The following NUS1 variants were observed in gnomAD, a reference collection of about 807,000 sequenced individuals.
NUS1 encodes NUS1 dehydrodolichyl diphosphate synthase subunit, also known as dehydrodolichyl diphosphate synthase complex subunit NUS1.
For missense variants in NUS1, 292 were observed against 382.9 expected (o/e 0.76, Z 1.98); for synonymous variants, 135 against 155.2 (o/e 0.87, Z 0.97).
In NUS1 at chr6:117,675,557, G is replaced by C; in HGVS notation, c.-114G>C. ...TGGCAGTGGAAAGGGGTTCGGGCTC[G>C]GGGGGCGGGGGGACGCGGAGCGATG... is the stretch of plus-strand genomic sequence containing the variant. On this transcript the variant is annotated 5_prime_UTR_variant, in exon 1 of 5. Coordinates refer to ENST00000368494, the MANE Select transcript of NUS1 (RefSeq NM_138459.5). The C allele has an allele frequency of 1.8e-6, 2 of 1,129,608 alleles. No individual in the cohort carries two copies. Among genetic ancestry groups the C allele is most frequent in the South Asian group, 1.5e-5 (1 of 67,810 alleles). 70.0% of individuals were successfully genotyped at this position (1,129,608 alleles called of 1,614,324 possible).
chr6:117,684,137 C>G (rs1773102725), intron 1 of NUS1, among the ~76,000 whole-genome samples: 1 of 152,198 alleles, frequency 6.6e-6, no homozygotes, highest in Non-Finnish European at 1.5e-5. Context: ...TGCAACTACT[C>G]AACTCTGCTA....
intron 1 of NUS1, among the ~76,000 whole-genome samples, chr6:117,677,057 T>C (rs549097155): frequency 1.2e-4 from 19 of 152,344 alleles, no homozygotes; most frequent in African/African-American, 4.1e-4. Flanking sequence ...AATTGTCCTC[T>C]CATATGTTTT....
chr6:117,690,487 T>C (rs575303811), intron 1 of NUS1, among the ~76,000 whole-genome samples: 1 of 152,334 alleles, frequency 6.6e-6, no homozygotes, highest in Non-Finnish European at 1.5e-5. Flanking sequence ...TTGTTTGCTC[T>C]GTGCCAGGCA....
intron 1 of NUS1, among the ~76,000 whole-genome samples, chr6:117,681,921 C>T (rs956417305): frequency 1.3e-5 from 2 of 152,186 alleles, no homozygotes; most frequent in Non-Finnish European, 2.9e-5. Flanking sequence ...CGACCTCTGC[C>T]TCCGGGGTTC....
chr6:117,704,556 A>C (rs1562183333), intron 4 of NUS1, among the ~76,000 whole-genome samples: 1 of 152,196 alleles, frequency 6.6e-6, no homozygotes, highest in Admixed American at 6.5e-5. Flanking sequence ...GTTTACAAAA[A>C]CAAGTATCAG....
In NUS1 at chr6:117,708,002, A is replaced by G. The variant is rs1283878992; in HGVS notation, c.*987A>G. ...TCAACCATTTTTATTTAAAATAAAC[A>G]TTTGAGGGAAGTTACCAAGGCAGCT... is the stretch of plus-strand genomic sequence containing the variant. On this transcript the variant is annotated 3_prime_UTR_variant, in exon 5 of 5. Transcript: ENST00000368494. 2.0e-5 allele frequency: 3 copies of G among 152,068 alleles called. No homozygotes were observed. The highest frequency in any genetic ancestry group is 7.2e-5 in the African/African-American group (3 of 41,448). The allele number at this position is 152,068 out of a possible 1,614,324, so 9.4% of individuals were successfully genotyped here.
chr6:117,705,685 T>C (rs1354570863), intron 4 of NUS1, among the ~76,000 whole-genome samples: 1 of 152,000 alleles, frequency 6.6e-6, no homozygotes, highest in East Asian at 1.9e-4. Flanking sequence ...TTCTGAGGCA[T>C]TGAGGAGTAG....
chr6:117,701,345 C>T (rs931590234), intron 3 of NUS1, among the ~76,000 whole-genome samples: 8 of 150,154 alleles, frequency 5.3e-5, no homozygotes, highest in East Asian at 2.0e-4. Flanking sequence ...CCCGGGTTTA[C>T]GCCATTCTCC....
chr6:117,676,600 AAAAT>A (rs747992193), intron 1 of NUS1, among the ~76,000 whole-genome samples: 128 of 152,342 alleles, frequency 8.4e-4, no homozygotes, highest in Non-Finnish European at 1.4e-3. Flanking sequence ...TAAATAAATA[AAAAT>A]AAATAAAAAA....
In NUS1 at chr6:117,708,636, G is replaced by A. The variant is rs1247342643; in HGVS notation, c.*1621G>A. 1 of 146,954 alleles carries A rather than the reference G, an allele frequency of 6.8e-6. No individual in the cohort carries two copies. Among genetic ancestry groups the A allele is most frequent in the African/African-American group, 2.5e-5 (1 of 39,662 alleles). The allele number at this position is 146,954 out of a possible 1,614,324, so 9.1% of individuals were successfully genotyped here. Reference sequence around the variant, plus strand: ...TGCACTGCATAATCCATTATACGTTGTACGACTTTTTTTTTTTGTTTTAAT... The same window carrying A: ...TGCACTGCATAATCCATTATACGTTATACGACTTTTTTTTTTTGTTTTAAT... On this transcript the variant is annotated 3_prime_UTR_variant, in exon 5 of 5. Coordinates refer to ENST00000368494, the MANE Select transcript of NUS1 (RefSeq NM_138459.5).
At chr6:117,680,700 A>G (rs1773048514) in intron 1 of NUS1, among the ~76,000 whole-genome samples, 1 of 149,778 alleles carries the variant, frequency 6.7e-6, no homozygotes, top group Non-Finnish European at 1.5e-5. Flanking sequence ...CTTGCCTTAC[A>G]TTAGATTATT....
intron 3 of NUS1, among the ~76,000 whole-genome samples, chr6:117,701,711 T>C (rs1422841299): frequency 6.6e-6 from 1 of 152,202 alleles, no homozygotes; most frequent in African/African-American, 2.4e-5. Context: ...TTTCTTAATA[T>C]TGATTTTATA....
At chr6:117,690,331 A>G (rs1279772585) in intron 1 of NUS1, among the ~76,000 whole-genome samples, 1 of 152,104 alleles carries the variant, frequency 6.6e-6, no homozygotes, top group African/African-American at 2.4e-5. Context: ...ACTTTTCTCT[A>G]TATATACCTA....
At chr6:117,684,748 G>A (rs1227355493) in intron 1 of NUS1, among the ~76,000 whole-genome samples, 1 of 152,102 alleles carries the variant, frequency 6.6e-6, no homozygotes, top group Non-Finnish European at 1.5e-5. Flanking sequence ...ATGCAATAGA[G>A]TGATTCCTAT....
intron 4 of NUS1, among the ~76,000 whole-genome samples, chr6:117,705,319 G>A (rs1370636958): frequency 2.0e-5 from 3 of 152,184 alleles, no homozygotes; most frequent in African/African-American, 7.2e-5. Flanking sequence ...GCTGTGTACA[G>A]TTGGGAGTGG....
intron 3 of NUS1, among the ~76,000 whole-genome samples, chr6:117,699,788 A>C (rs1356520269): frequency 6.6e-6 from 1 of 152,166 alleles, no homozygotes; most frequent in Non-Finnish European, 1.5e-5. Flanking sequence ...CCAAAACAGC[A>C]TGGTACTGGC....
chr6:117,694,268 A>T, intron 3 of NUS1, 88 bp downstream of exon 3: 1 of 726,424 alleles, frequency 1.4e-6, no homozygotes, highest in East Asian at 3.4e-5. Flanking sequence ...TATGAAAGAA[A>T]ATATTTTTGT....
chr6:117,684,946 TGTGGACAA>T (rs1189818241), intron 1 of NUS1, among the ~76,000 whole-genome samples: 2 of 152,214 alleles, frequency 1.3e-5, no homozygotes, highest in African/African-American at 2.4e-5. Flanking sequence ...TACATATGCA[TGTGGACAA>T]AGACTAGAAA....
intron 1 of NUS1, among the ~76,000 whole-genome samples, chr6:117,687,376 A>G (rs896500657): frequency 1.3e-5 from 2 of 152,228 alleles, no homozygotes; most frequent in Non-Finnish European, 2.9e-5. Flanking sequence ...AGTAAGACAC[A>G]TTCACAAATA....
Sources: allele counts gnomAD v4.1 joint callset (sites outside exome capture counted in the v4.1 genomes callset), GRCh38; gene constraint gnomAD v4.1.1; transcripts MANE v1.5; gene names NCBI Gene and HGNC (gene_info 2026-07-23, HGNC 2026-07-21).